KYNU: variants seen among roughly 807,000 people sequenced by gnomAD.
KYNU encodes kynureninase, also known as L-kynurenine hydrolase.
KYNU carries 54 observed loss-of-function variants against 59.2 expected under a neutral mutation model. The observed-to-expected ratio is 0.91, with a 90% confidence interval of 0.73 to 1.14. The LOEUF (loss-of-function observed/expected upper bound fraction) is 1.14. Among genes scored for constraint, KYNU ranks in the 50% most tolerant of loss-of-function variants. KYNU has a pLI of 0.00. For missense variants in KYNU, 567 were observed against 554.4 expected (o/e 1.02, Z -0.23); for synonymous variants, 177 against 192.0 (o/e 0.92, Z 0.65).
chr2:142,941,402 G>A (rs1683596322), intron 4 of KYNU, among the ~76,000 whole-genome samples: 2 of 152,160 alleles, frequency 1.3e-5, no homozygotes, highest in South Asian at 2.1e-4. Context: ...GTCTTTGAAT[G>A]CTGCATTAGT....
chr2:143,004,997 A>G (rs1685827216), intron 10 of KYNU, among the ~76,000 whole-genome samples: 1 of 152,216 alleles, frequency 6.6e-6, no homozygotes, highest in South Asian at 2.1e-4. Flanking sequence ...GTTTTCTCTA[A>G]ATAAAAACCA....
intron 5 of KYNU, among the ~76,000 whole-genome samples, chr2:142,955,711 G>A (rs1477182687): frequency 2.6e-5 from 4 of 151,948 alleles, no homozygotes; most frequent in South Asian, 2.1e-4. Flanking sequence ...TATCATCTTC[G>A]TTGTTATTGT....
chr2:142,922,837 C>T (rs948255331), intron 3 of KYNU, among the ~76,000 whole-genome samples: 3 of 152,100 alleles, frequency 2.0e-5, no homozygotes, highest in South Asian at 2.1e-4. Context: ...GGTTTGTTCC[C>T]GCTGCTATAC....
intron 10 of KYNU, chr2:142,988,741 C>G: frequency 1.2e-6 from 1 of 860,240 alleles, no homozygotes; most frequent in Non-Finnish European, 2.0e-6. Flanking sequence ...CACTCCTAAG[C>G]TTCTTTTTAA....
At chr2:143,025,329 T>C (rs879603756) in intron 10 of KYNU, among the ~76,000 whole-genome samples, 1 of 152,158 alleles carries the variant, frequency 6.6e-6, no homozygotes, top group African/African-American at 2.4e-5. Context: ...CAGTTCTTTT[T>C]TCATTGTTCG....
At chr2:142,918,559 T>G in intron 2 of KYNU, 50 bp from the exon 3 acceptor site, 1 of 1,480,110 alleles carries the variant, frequency 6.8e-7, no homozygotes, top group Non-Finnish European at 9.1e-7. Flanking sequence ...AATACCATAC[T>G]GAAAAAGCTT....
At chr2:143,025,949 C>T (rs893161326) in intron 10 of KYNU, among the ~76,000 whole-genome samples, 2 of 152,080 alleles carry the variant, frequency 1.3e-5, no homozygotes, top group Non-Finnish European at 2.9e-5. Context: ...TCAGACTCTG[C>T]TAATTAATTC....
intron 2 of KYNU, among the ~76,000 whole-genome samples, chr2:142,911,539 T>C (rs1170673829): frequency 1.3e-5 from 2 of 152,150 alleles, no homozygotes; most frequent in African/African-American, 4.8e-5. Flanking sequence ...TAGATTCCTT[T>C]TCTTTCTTTC....
chr2:142,973,936 G>T (rs886538917), intron 8 of KYNU, among the ~76,000 whole-genome samples: 3 of 152,152 alleles, frequency 2.0e-5, no homozygotes, highest in East Asian at 1.9e-4. Flanking sequence ...ATTCACTAAG[G>T]TGTCTTAGAA....
At chr2:142,918,580 T>G in intron 2 of KYNU, 29 bp from the exon 3 acceptor site, 2 of 1,504,508 alleles carry the variant, frequency 1.3e-6, no homozygotes, top group Non-Finnish European at 1.8e-6. Flanking sequence ...TTATTTTTTT[T>G]TTTTTTTTTG....
chr2:142,889,692 C>A (rs1380653167), intron 2 of KYNU, among the ~76,000 whole-genome samples: 2 of 152,156 alleles, frequency 1.3e-5, no homozygotes, highest in Non-Finnish European at 2.9e-5. Flanking sequence ...CATCAGGAAA[C>A]CAGTGTTCCC....
intron 10 of KYNU, among the ~76,000 whole-genome samples, chr2:143,010,550 G>A (rs1268694585): frequency 7.5e-6 from 1 of 133,922 alleles, no homozygotes; most frequent in African/African-American, 3.1e-5. Context: ...TCACAGAATT[G>A]GAAAAAACTA....
chr2:142,947,144 A>G (rs1295668938), intron 4 of KYNU: 39 of 1,551,112 alleles, frequency 2.5e-5, no homozygotes, highest in Non-Finnish European at 3.2e-5. Context: ...TCAACCTGGA[A>G]ATGACCTCAG....
At chr2:142,982,044 T>C (rs1228438478) in intron 8 of KYNU, among the ~76,000 whole-genome samples, 1 of 152,122 alleles carries the variant, frequency 6.6e-6, no homozygotes, top group Admixed American at 6.6e-5. Context: ...AAAACACCTG[T>C]ATTTGTAATT....
intron 10 of KYNU, among the ~76,000 whole-genome samples, chr2:142,992,417 T>A (rs1685422286): frequency 6.6e-6 from 1 of 151,850 alleles, no homozygotes; most frequent in Admixed American, 6.6e-5. Context: ...TTATCCTTAT[T>A]CTTAATTATT....
At chr2:142,916,474 T>C (rs571456814) in intron 2 of KYNU, among the ~76,000 whole-genome samples, 134 of 152,206 alleles carry the variant, frequency 8.8e-4, no homozygotes, top group Non-Finnish European at 1.4e-3. Context: ...ATTTACTTTC[T>C]GGCTTTTTAC....
chr2:142,946,358 A>G (rs1244676012), intron 4 of KYNU, among the ~76,000 whole-genome samples: 2 of 152,164 alleles, frequency 1.3e-5, no homozygotes, highest in Non-Finnish European at 2.9e-5. Flanking sequence ...TGCTGGGATT[A>G]CCCTGCCCGG....
intron 10 of KYNU, among the ~76,000 whole-genome samples, chr2:143,018,825 C>G (rs1464760304): frequency 6.6e-6 from 1 of 152,092 alleles, no homozygotes; most frequent in African/African-American, 2.4e-5. Flanking sequence ...TTGTAGTTCT[C>G]CTTGTAAAGA....
At chr2:142,954,983 G>A (rs894257073) in intron 5 of KYNU, 112 bp downstream of exon 5, 3 of 722,820 alleles carry the variant, frequency 4.2e-6, no homozygotes, top group East Asian at 2.7e-5. Flanking sequence ...AATAAATTGT[G>A]AGGTTATTTT....
Sources: allele counts gnomAD v4.1 joint callset (sites outside exome capture counted in the v4.1 genomes callset), GRCh38; gene constraint gnomAD v4.1.1; transcripts MANE v1.5; gene names NCBI Gene and HGNC (gene_info 2026-07-23, HGNC 2026-07-21).